The following EPHA6 variants were observed in gnomAD, a reference collection of about 807,000 sequenced individuals.
The protein encoded by EPHA6 is EPH receptor A6.
Under a neutral mutation model 112.0 loss-of-function variants are expected in EPHA6, and 50 were observed. That is an observed-to-expected ratio of 0.45 (90% confidence interval 0.36 to 0.56). The LOEUF is 0.56. Among genes scored for constraint, EPHA6 ranks in the 20% least tolerant of loss-of-function variants. The probability of loss-of-function intolerance (pLI) is 0.00; values close to 1 mark genes in which losing one functional copy is unlikely to be tolerated. For missense variants in EPHA6, 1,280 were observed against 1,417.4 expected (o/e 0.90, Z 1.56); for synonymous variants, 529 against 490.7 (o/e 1.08, Z -1.03).
chr3:96,858,053 G>C (rs1576160422), intron 1 of EPHA6, among the ~76,000 whole-genome samples: 1 of 152,034 alleles, frequency 6.6e-6, no homozygotes, highest in East Asian at 1.9e-4. Flanking sequence ...GCTGGAGAAA[G>C]GGGGTGGGGG....
At chr3:96,818,063 T>C (rs1236749772) in intron 1 of EPHA6, among the ~76,000 whole-genome samples, 1 of 151,982 alleles carries the variant, frequency 6.6e-6, no homozygotes, top group Non-Finnish European at 1.5e-5. Flanking sequence ...TCATAGTCAA[T>C]TAATTTTCCC....
intron 6 of EPHA6, among the ~76,000 whole-genome samples, chr3:97,418,316 A>T (rs1227635424): frequency 2.0e-5 from 3 of 152,080 alleles, no homozygotes; most frequent in Non-Finnish European, 4.4e-5. Flanking sequence ...CAGAGAGCAT[A>T]CAATACTTAT....
chr3:96,936,512 T>C (rs944730659), intron 2 of EPHA6, among the ~76,000 whole-genome samples: 2 of 151,890 alleles, frequency 1.3e-5, no homozygotes, highest in African/African-American at 4.8e-5. Flanking sequence ...CAGTGGATAA[T>C]TTCTGTAATT....
At chr3:97,127,979 C>G (rs2048229542) in intron 3 of EPHA6, among the ~76,000 whole-genome samples, 1 of 151,892 alleles carries the variant, frequency 6.6e-6, no homozygotes, top group African/African-American at 2.4e-5. Context: ...GTAGTGTGCC[C>G]TGTACCCAGT....
chr3:96,884,569 A>C (rs1472366364), intron 2 of EPHA6, among the ~76,000 whole-genome samples: 1 of 152,136 alleles, frequency 6.6e-6, no homozygotes, highest in Non-Finnish European at 1.5e-5. Context: ...GTGTACATTA[A>C]TCTTGTATCC....
chr3:97,688,354 A>T (rs568805481), intron 14 of EPHA6, among the ~76,000 whole-genome samples: 1 of 152,240 alleles, frequency 6.6e-6, no homozygotes, highest in South Asian at 2.1e-4. Flanking sequence ...ATATAAAACT[A>T]CCCAGTAATA....
At position 97,744,531 on chromosome 3, in the gene EPHA6, T is replaced by A. The variant is rs969133080; in HGVS notation, c.3129-2892T>A. On this transcript the variant is annotated intron_variant, in intron 16 of 17. Transcript: ENST00000389672. ...GGGACCCTGACCTTACTAAATCAACTGCCAAGGCAGTCGTATAAAGGCCAA... is the reference window on the plus strand; with the variant it reads ...GGGACCCTGACCTTACTAAATCAACAGCCAAGGCAGTCGTATAAAGGCCAA... 2.0e-5 allele frequency among the ~76,000 whole-genome samples: 3 copies of A among 152,088 alleles called. No homozygotes were observed. The East Asian group carries it at 5.8e-4, about 29-fold the overall frequency.
At chr3:97,178,172 C>T (rs1197579529) in intron 3 of EPHA6, among the ~76,000 whole-genome samples, 2 of 151,818 alleles carry the variant, frequency 1.3e-5, no homozygotes, top group African/African-American at 2.4e-5. Context: ...CTATTGTAAC[C>T]TTATAACAAT....
At chr3:97,691,156 T>G (rs551153533) in intron 14 of EPHA6, among the ~76,000 whole-genome samples, 2 of 152,346 alleles carry the variant, frequency 1.3e-5, no homozygotes, top group East Asian at 3.9e-4. Context: ...CTATTGCATA[T>G]GGATATTCAG....
chr3:97,161,318 A>G (rs1017935267), intron 3 of EPHA6, among the ~76,000 whole-genome samples: 1 of 152,174 alleles, frequency 6.6e-6, no homozygotes, highest in Non-Finnish European at 1.5e-5. Context: ...GGCCTGTACT[A>G]CAGACCTGTA....
chr3:97,074,425 C>T (rs2046453201), intron 3 of EPHA6, among the ~76,000 whole-genome samples: 1 of 152,002 alleles, frequency 6.6e-6, no homozygotes, highest in African/African-American at 2.4e-5. Context: ...TTAAGCAACA[C>T]TCAGGGAGTA....
intron 14 of EPHA6, among the ~76,000 whole-genome samples, chr3:97,692,524 T>C (rs1039925598): frequency 2.6e-5 from 4 of 152,196 alleles, no homozygotes; most frequent in African/African-American, 9.7e-5. Flanking sequence ...CCTGAACCAA[T>C]TGACCCTTCA....
chr3:97,253,056 C>G (rs186368244), intron 5 of EPHA6, among the ~76,000 whole-genome samples: 51 of 152,170 alleles, frequency 3.4e-4, no homozygotes, highest in Middle Eastern at 3.4e-3. Context: ...GAGCAGCTAA[C>G]AGTCTTTTAC....
intron 2 of EPHA6, among the ~76,000 whole-genome samples, chr3:96,983,381 C>A (rs1400093793): frequency 6.6e-6 from 1 of 152,112 alleles, no homozygotes; most frequent in Non-Finnish European, 1.5e-5. Context: ...AATATTGGCC[C>A]CCACTCTCTT....
intron 6 of EPHA6, among the ~76,000 whole-genome samples, chr3:97,432,965 T>TCATAAATGA (rs1279662140): frequency 6.6e-6 from 1 of 152,106 alleles, no homozygotes; most frequent in East Asian, 1.9e-4. Context: ...CCAAACCACA[T>TCATAAATGA]CATAAAGTCA....
intron 2 of EPHA6, among the ~76,000 whole-genome samples, chr3:96,940,553 A>G (rs568529058): frequency 8.6e-5 from 13 of 151,948 alleles, no homozygotes; most frequent in Non-Finnish European, 1.0e-4. Context: ...TCTTTACCCA[A>G]TTTTCCAGTC....
chr3:97,698,176 A>G (rs370478475), intron 14 of EPHA6, among the ~76,000 whole-genome samples: 7 of 151,976 alleles, frequency 4.6e-5, no homozygotes, highest in African/African-American at 1.7e-4. Flanking sequence ...CTAATTTTGT[A>G]TTTTTAGTAG....
chr3:96,846,269 A>T (rs2035067809), intron 1 of EPHA6, among the ~76,000 whole-genome samples: 1 of 152,056 alleles, frequency 6.6e-6, no homozygotes, highest in South Asian at 2.1e-4. Context: ...GTAGTAAATT[A>T]AGAATTCACC....
At chr3:97,338,872 G>A (rs1052197497) in intron 5 of EPHA6, among the ~76,000 whole-genome samples, 2 of 152,148 alleles carry the variant, frequency 1.3e-5, no homozygotes, top group Non-Finnish European at 2.9e-5. Context: ...GCTTCCCACA[G>A]AAAACAGGAC....
Sources: allele counts gnomAD v4.1 joint callset (sites outside exome capture counted in the v4.1 genomes callset), GRCh38; gene constraint gnomAD v4.1.1; transcripts MANE v1.5; gene names NCBI Gene and HGNC (gene_info 2026-07-23, HGNC 2026-07-21).